The following CNTN4 variants were observed in gnomAD, a reference collection of about 807,000 sequenced individuals.
CNTN4 encodes the protein contactin-4.
Under a neutral mutation model 122.5 loss-of-function variants are expected in CNTN4, and 77 were observed. That is an observed-to-expected ratio of 0.63 (90% CI 0.52 to 0.76). CNTN4 has a LOEUF of 0.76. Ranked by LOEUF, CNTN4 falls within the 30% of genes least tolerant of loss-of-function variation. CNTN4 has a pLI of 0.00. For synonymous variants in CNTN4, 512 were observed against 447.0 expected, an observed-to-expected ratio of 1.15 and a Z score of -1.83; for missense variants, 1,256 against 1,259.1, an observed-to-expected ratio of 1.00 and a Z score of 0.04.
At position 2,969,172 on chromosome 3, in the gene CNTN4, A is replaced by G. The variant is rs573066053; in HGVS notation, c.1359-19173A>G. On this transcript the variant is annotated intron_variant, in intron 13 of 24. Coordinates refer to ENST00000418658, the MANE Select transcript of CNTN4 (RefSeq NM_175607.3). ...TATGTGCTAAGGGAATATCATCAAG[A>G]CTTCATTTTTGTTGGTTTCATTCTT... Among the ~76,000 whole-genome samples the G allele has an allele frequency of 7.9e-5, 12 of 152,230 alleles. No homozygotes were observed. The East Asian group carries it at 2.3e-3, about 29-fold the overall frequency.
At chr3:2,354,279 C>G (rs1374475610) in intron 3 of CNTN4, among the ~76,000 whole-genome samples, 1 of 152,104 alleles carries the variant, frequency 6.6e-6, no homozygotes, top group South Asian at 2.1e-4. Context: ...GCCTGTAATC[C>G]CAGCACTTTG....
chr3:2,479,204 TAAC>T (rs1412763756), intron 3 of CNTN4, among the ~76,000 whole-genome samples: 2 of 152,330 alleles, frequency 1.3e-5, no homozygotes, highest in Non-Finnish European at 2.9e-5. Flanking sequence ...AAAAAAATAA[TAAC>T]TTTATCTGTT....
rs7428846 is a variant in CNTN4, at chr3:2,692,316, T to C, written c.56-43899T>C. Among the ~76,000 whole-genome samples the C allele has an allele frequency of 6.7e-3, 1,025 of 152,246 alleles. 8 individuals are homozygous for C. Among genetic ancestry groups the C allele is most frequent in the African/African-American group, 0.021 (854 of 41,552 alleles). On this transcript the variant is annotated intron_variant, in intron 4 of 24. Transcript: ENST00000418658. ...AGCGATGAAAACCTACAGTGCCCGG[T>C]GCTTTACCTCCGCTACCTATGCCCT...
chr3:2,484,640 C>T lies in CNTN4; in HGVS notation c.-88-86776C>T, dbSNP rs184370184. Among the ~76,000 whole-genome samples the T allele has an allele frequency of 1.3e-3, 192 of 152,352 alleles. 1 individual carries two copies. Among genetic ancestry groups the T allele is most frequent in the Non-Finnish European group, 1.9e-3 (127 of 68,040 alleles). ...ACTGTCACCCAGAAGGCTGTGTCAA[C>T]GGCTACAAGGACATCCACAGTGAGG... On this transcript the variant is annotated intron_variant, in intron 3 of 24. Coordinates refer to ENST00000418658, the MANE Select transcript of CNTN4 (RefSeq NM_175607.3).
At chr3:2,677,963 C>T (rs755614094) in intron 4 of CNTN4, among the ~76,000 whole-genome samples, 3 of 152,126 alleles carry the variant, frequency 2.0e-5, no homozygotes, top group Non-Finnish European at 2.9e-5. Context: ...GTCACCAAAT[C>T]CCTTTAGTGT....
chr3:2,969,528 T>G (rs9871289), intron 13 of CNTN4, among the ~76,000 whole-genome samples: 54 of 132,616 alleles, frequency 4.1e-4, no homozygotes, highest in African/African-American at 2.1e-3. Context: ...TTATTATTAT[T>G]ATTATTATTA....
intron 3 of CNTN4, among the ~76,000 whole-genome samples, chr3:2,390,541 T>C (rs2046406484): frequency 6.6e-6 from 1 of 152,186 alleles, no homozygotes; most frequent in Admixed American, 6.5e-5. Flanking sequence ...TGAATTGATA[T>C]GAATACCGAA....
chr3:2,998,658 A>T (rs9862013), intron 14 of CNTN4, among the ~76,000 whole-genome samples: 48,970 of 151,924 alleles, frequency 0.32, 11,044 homozygotes, highest in African/African-American at 0.64. Context: ...TAAAAAAAAA[A>T]GTCAAGGTAA....
intron 3 of CNTN4, among the ~76,000 whole-genome samples, chr3:2,485,617 A>G (rs189842960): frequency 1.5e-3 from 223 of 151,956 alleles, no homozygotes; most frequent in Non-Finnish European, 1.9e-3. Flanking sequence ...TATCTAGGTA[A>G]TCTGGGGGGG....
rs79302367 is a variant in CNTN4 at position 3,052,485 on chromosome 3, A to G, written c.2812-1322A>G. 9.3e-3 allele frequency among the ~76,000 whole-genome samples: 1,419 copies of G among 151,770 alleles called. 23 individuals carry two copies. Among genetic ancestry groups the G allele is most frequent in the African/African-American group, 0.032 (1,322 of 41,484 alleles). ...ACCCCAATGGTTCTAACATGCAGCC[A>G]GGACCAAAAACCACTGACCTCATCC... On this transcript the variant is annotated intron_variant, in intron 23 of 24. Coordinates refer to ENST00000418658, the MANE Select transcript of CNTN4 (RefSeq NM_175607.3).
intron 3 of CNTN4, among the ~76,000 whole-genome samples, chr3:2,411,587 C>A (rs1239667018): frequency 6.6e-6 from 1 of 152,084 alleles, no homozygotes; most frequent in African/African-American, 2.4e-5. Flanking sequence ...ACTTGGAATT[C>A]CAAAATTCCC....
At chr3:2,479,979 T>G (rs1559591522) in intron 3 of CNTN4, among the ~76,000 whole-genome samples, 1 of 152,108 alleles carries the variant, frequency 6.6e-6, no homozygotes, top group Non-Finnish European at 1.5e-5. Context: ...AAATATCAAT[T>G]AATGTAATTC....
chr3:2,871,055 A>G (rs1426569574), intron 8 of CNTN4, among the ~76,000 whole-genome samples: 1 of 152,078 alleles, frequency 6.6e-6, no homozygotes, highest in Non-Finnish European at 1.5e-5. Context: ...ATCTCAGATG[A>G]TGTCTCCTAT....
intron 2 of CNTN4, among the ~76,000 whole-genome samples, chr3:2,272,232 T>A (rs13070828): frequency 0.53 from 81,182 of 151,822 alleles, 22,326 homozygotes; most frequent in South Asian, 0.68. Context: ...AAATAGAAAA[T>A]TAGGTAAAGA....
intron 3 of CNTN4, among the ~76,000 whole-genome samples, chr3:2,345,678 C>T (rs2044373696): frequency 6.6e-6 from 1 of 152,150 alleles, no homozygotes; most frequent in African/African-American, 2.4e-5. Flanking sequence ...GGACTGATAA[C>T]ATACAAGTAG....
chr3:2,626,106 C>T (rs542322945), intron 4 of CNTN4, among the ~76,000 whole-genome samples: 5 of 152,282 alleles, frequency 3.3e-5, no homozygotes, highest in South Asian at 2.1e-4. Context: ...GAGTTGCACA[C>T]GTATTCTCCC....
intron 3 of CNTN4, among the ~76,000 whole-genome samples, chr3:2,478,120 TA>T (rs1391490016): frequency 6.6e-6 from 1 of 152,092 alleles, no homozygotes; most frequent in African/African-American, 2.4e-5. Flanking sequence ...TTATGAAAAA[TA>T]AAATAGATGA....
chr3:3,005,987 G>A lies in CNTN4; in HGVS notation c.1486+17515G>A, dbSNP rs536704062. Among the ~76,000 whole-genome samples the A allele has an allele frequency of 1.0e-3, 156 of 149,906 alleles. 1 individual carries two copies. The highest frequency in any genetic ancestry group is 4.8e-3 in the South Asian group (23 of 4,750). On this transcript the variant is annotated intron_variant, in intron 14 of 24. Coordinates refer to ENST00000418658, the MANE Select transcript of CNTN4 (RefSeq NM_175607.3). ...TGCCAGCTCTGCCTCCCAGGTTCACGCCATTCTCGTGCCTCAGCCTCCCAA... is the reference window on the plus strand; with the variant it reads ...TGCCAGCTCTGCCTCCCAGGTTCACACCATTCTCGTGCCTCAGCCTCCCAA...
chr3:2,894,867 C>G (rs1373412012), intron 10 of CNTN4, among the ~76,000 whole-genome samples: 2 of 152,142 alleles, frequency 1.3e-5, no homozygotes, highest in Non-Finnish European at 1.5e-5. Context: ...TTATAAAGTT[C>G]TGAACTGACT....
Sources: gnomAD v4.1 joint callset for allele counts (sites outside exome capture counted in the v4.1 genomes callset) on GRCh38, gnomAD v4.1.1 for gene constraint, MANE v1.5 for transcripts, NCBI Gene and HGNC (gene_info 2026-07-23, HGNC 2026-07-21) for gene names.